Variants in MCF2L2 observed in about 807,000 individuals in gnomAD.
MCF2L2 encodes probable guanine nucleotide exchange factor MCF2L2.
Under a neutral mutation model 150.2 loss-of-function variants are expected in MCF2L2, and 102 were observed. That is an observed-to-expected ratio of 0.68 (90% confidence interval 0.58 to 0.80). The LOEUF (loss-of-function observed/expected upper bound fraction) is 0.80, where lower values mean the gene tolerates loss of function less well. Ranked by LOEUF, MCF2L2 falls within the 30% of genes least tolerant of loss-of-function variation. MCF2L2 has a pLI of 0.00. For missense variants in MCF2L2, 1,256 were observed against 1,372.8 expected (o/e 0.91, Z 1.34); for synonymous variants, 465 against 491.3 (o/e 0.95, Z 0.71).
chr3:183,216,580 ATTTTTTTTTTTTTTT>A (rs1160267005), intron 21 of MCF2L2, among the ~76,000 whole-genome samples: 3 of 3,856 alleles, frequency 7.8e-4, no homozygotes, highest in African/African-American at 8.6e-4. Flanking sequence ...ATATATATAT[ATTTTTTTTTTTTTTT>A]TTTTTTTTTT....
chr3:183,382,344 G>A (rs1001205661), intron 2 of MCF2L2, among the ~76,000 whole-genome samples: 3 of 152,156 alleles, frequency 2.0e-5, no homozygotes, highest in African/African-American at 4.8e-5. Context: ...CAGGCGTTGA[G>A]CCACCACACC....
At chr3:183,215,432 T>C (rs550743178) in intron 22 of MCF2L2, among the ~76,000 whole-genome samples, 2 of 152,304 alleles carry the variant, frequency 1.3e-5, no homozygotes, top group East Asian at 3.9e-4. Context: ...GGATTAACAC[T>C]GACGCTGGAG....
At chr3:183,216,526 T>C (rs1386785874) in intron 21 of MCF2L2, among the ~76,000 whole-genome samples, 2 of 138,668 alleles carry the variant, frequency 1.4e-5, no homozygotes, top group East Asian at 2.0e-4. Context: ...ATATATTATA[T>C]ATTATATAAA....
chr3:183,316,599 C>T (rs1729613459), intron 7 of MCF2L2, among the ~76,000 whole-genome samples: 1 of 151,912 alleles, frequency 6.6e-6, no homozygotes. Flanking sequence ...CCCACCTCAG[C>T]CTCCCAAAGT....
chr3:183,365,787 AC>A (rs1712487087), intron 3 of MCF2L2, among the ~76,000 whole-genome samples: 1 of 152,352 alleles, frequency 6.6e-6, no homozygotes, highest in African/African-American at 2.4e-5. Context: ...CGGCAAAAAA[AC>A]ATCCTAAGCA....
At position 183,315,561 on chromosome 3, in the gene MCF2L2, T is replaced by C. The variant is rs561637695; in HGVS notation, c.753+2507A>G. Reference sequence around the variant, plus strand: ...ATGTCAAATAATACTTCTAACTATGTGGCCTCCAAGGTTACTCCAACCCAT... The same window carrying C: ...ATGTCAAATAATACTTCTAACTATGCGGCCTCCAAGGTTACTCCAACCCAT... On this transcript the variant is annotated intron_variant, in intron 7 of 29. Coordinates refer to ENST00000328913, the MANE Select transcript of MCF2L2 (RefSeq NM_015078.4). Among the ~76,000 whole-genome samples the C allele has an allele frequency of 5.9e-5, 9 of 152,344 alleles. No homozygotes were observed. In the South Asian group the frequency reaches 1.9e-3, roughly 32 times the overall value.
intron 3 of MCF2L2, among the ~76,000 whole-genome samples, chr3:183,361,749 T>C (rs907236527): frequency 1.3e-5 from 2 of 152,246 alleles, no homozygotes; most frequent in Admixed American, 1.3e-4. Context: ...GCTCTAATAA[T>C]GGCATGTCTT....
At chr3:183,234,442 C>T (rs9839575) in intron 15 of MCF2L2, among the ~76,000 whole-genome samples, 49,793 of 151,928 alleles carry the variant, frequency 0.33, 8,455 homozygotes, top group African/African-American at 0.41. Flanking sequence ...TTCTGGATTA[C>T]AGTTTGGAAA....
chr3:183,282,421 G>A (rs941211655), intron 14 of MCF2L2, among the ~76,000 whole-genome samples: 1 of 152,128 alleles, frequency 6.6e-6, no homozygotes. Flanking sequence ...CTCATCGTCT[G>A]GACTAATACT....
At chr3:183,186,061 C>A (rs1721682619) in intron 27 of MCF2L2, among the ~76,000 whole-genome samples, 1 of 152,110 alleles carries the variant, frequency 6.6e-6, no homozygotes, top group African/African-American at 2.4e-5. Context: ...CCTCCCAGCT[C>A]AGCCACCAGC....
At chr3:183,392,870 G>C (rs946997675) in intron 1 of MCF2L2, among the ~76,000 whole-genome samples, 1 of 152,194 alleles carries the variant, frequency 6.6e-6, no homozygotes, top group Non-Finnish European at 1.5e-5. Context: ...TAGGTAGGTA[G>C]GGGAGGAAGT....
intron 7 of MCF2L2, among the ~76,000 whole-genome samples, chr3:183,312,972 G>A (rs1280173135): frequency 6.6e-6 from 1 of 152,152 alleles, no homozygotes; most frequent in African/African-American, 2.4e-5. Flanking sequence ...ACTTTTGCCT[G>A]GGAATCAGGC....
rs373150307 is a variant in MCF2L2 at position 183,427,874 on chromosome 3, A to G, written c.76+28T>C. The stretch of plus-strand genomic sequence containing the variant: ...ACCATCCTCACCCGCCATTAATAAA[A>G]CGCAGGAAAAATTAAAGCTTCGTTT... On this transcript the variant is annotated intron_variant, in intron 1 of 29. Transcript: ENST00000328913. 48 of 1,605,230 alleles carry G rather than the reference A, an allele frequency of 3.0e-5. No homozygotes were observed. In the African/African-American group the frequency reaches 5.1e-4, roughly 17 times the overall value.
intron 27 of MCF2L2, among the ~76,000 whole-genome samples, chr3:183,192,021 TTG>T: frequency 6.6e-6 from 1 of 151,302 alleles, no homozygotes. Context: ...TTTTTTTTTT[TTG>T]TATTTTTAGT....
intron 15 of MCF2L2, among the ~76,000 whole-genome samples, chr3:183,255,720 C>A (rs537066146): frequency 6.6e-6 from 1 of 151,816 alleles, no homozygotes; most frequent in Admixed American, 6.6e-5. Context: ...AGTGCAGGCC[C>A]CATCAAGTAA....
intron 3 of MCF2L2, among the ~76,000 whole-genome samples, chr3:183,366,402 A>G (rs958697200): frequency 1.3e-5 from 2 of 152,196 alleles, no homozygotes; most frequent in Non-Finnish European, 2.9e-5. Context: ...GCACCGTGGG[A>G]GGCTGAGGCA....
At chr3:183,409,027 G>A (rs1715186892) in intron 1 of MCF2L2, among the ~76,000 whole-genome samples, 1 of 152,152 alleles carries the variant, frequency 6.6e-6, no homozygotes, top group Non-Finnish European at 1.5e-5. Context: ...CATGGGAAAT[G>A]CAATTAGGCA....
chr3:183,226,894 T>C (rs536820535), intron 18 of MCF2L2: 1 of 152,214 alleles, frequency 6.6e-6, no homozygotes, highest in Admixed American at 6.5e-5. Flanking sequence ...TCAGTGTACA[T>C]TGAATTCTGG....
intron 15 of MCF2L2, chr3:183,273,239 TTTGG>T (rs1726940228): frequency 5.3e-6 from 2 of 376,498 alleles, no homozygotes; most frequent in South Asian, 1.4e-4. Flanking sequence ...TTTTTTACCT[TTTGG>T]TTGGTTTGCA....
Sources: gnomAD v4.1 joint callset for allele counts (sites outside exome capture counted in the v4.1 genomes callset) on GRCh38, gnomAD v4.1.1 for gene constraint, MANE v1.5 for transcripts, NCBI Gene and HGNC (gene_info 2026-07-23, HGNC 2026-07-21) for gene names.